Variants in LIMK2 observed in about 807,000 individuals in gnomAD.
The protein encoded by LIMK2 is LIM domain kinase 2.
A neutral mutation model predicts 75.7 loss-of-function variants in LIMK2; 35 were observed. The observed-to-expected ratio is 0.46, with a 90% CI of 0.35 to 0.61. The LOEUF is 0.61. LIMK2 is among the 20% of genes least tolerant of loss of function. The probability of loss-of-function intolerance (pLI) is 0.00; values close to 1 mark genes in which losing one functional copy is unlikely to be tolerated. For missense variants in LIMK2, 623 were observed against 831.0 expected (o/e 0.75, Z 3.08); for synonymous variants, 301 against 319.2 (o/e 0.94, Z 0.61).
Position 31,262,163 on chromosome 22 carries a change from A to G in LIMK2, c.581A>G (p.Asn194Ser), listed in dbSNP as rs1223155092. The change falls in exon 6 of 16, where the codon AAT becomes AGT. Residue 194 changes from asparagine to serine, a missense_variant. This residue lies in a region of LIMK2 where 514 missense variants were observed against 661.3 expected (regional missense o/e 0.78). Transcript: ENST00000331728. The surrounding 1 kb of genome is among the most constrained non-coding windows in gnomAD (Gnocchi z 5.0). ...AACCGGATGCACATCAGTCCCAACA[A>G]TCGAAACGCCATCCACCCTGGGGAC... ...EVNRMHISPNNRNAIHPGDRI... is the reference protein window; with the variant it reads ...EVNRMHISPNSRNAIHPGDRI... 4 of 1,614,068 alleles carry G rather than the reference A, an allele frequency of 2.5e-6. No homozygotes were observed. The highest frequency in any genetic ancestry group is 1.3e-5 in the African/African-American group (1 of 74,928).
chr22:31,243,174 A>T (rs1176363131), intron 2 of LIMK2, among the ~76,000 whole-genome samples: 1 of 152,180 alleles, frequency 6.6e-6, no homozygotes, highest in East Asian at 1.9e-4. Flanking sequence ...TGCCTGCCTC[A>T]GCCTCCCAAA....
intron 2 of LIMK2, chr22:31,248,850 C>G (rs1321273438): frequency 1.9e-5 from 27 of 1,428,038 alleles, no homozygotes; most frequent in African/African-American, 2.8e-5. Context: ...AAATCTCCTT[C>G]TCACTTAGTC....
At chr22:31,219,349 C>T (rs544487519) in intron 1 of LIMK2, among the ~76,000 whole-genome samples, 1 of 151,988 alleles carries the variant, frequency 6.6e-6, no homozygotes, top group African/African-American at 2.4e-5. Flanking sequence ...TATTTTATAC[C>T]AAGATTGAAA....
chr22:31,269,096 AAGG>A (rs1178437125), intron 11 of LIMK2, among the ~76,000 whole-genome samples: 3 of 150,590 alleles, frequency 2.0e-5, no homozygotes, highest in Admixed American at 1.3e-4. Flanking sequence ...TTGAATCAGG[AAGG>A]AGGTTTTTTT....
chr22:31,230,176 T>G (rs778290310), intron 2 of LIMK2: 1 of 151,618 alleles, frequency 6.6e-6, no homozygotes, highest in Non-Finnish European at 1.5e-5. Context: ...ACCAGCCCAG[T>G]AGGCCTTTTT....
chr22:31,273,599 A>G, intron 14 of LIMK2, 92 bp downstream of exon 14: 1 of 981,140 alleles, frequency 1.0e-6, no homozygotes, highest in South Asian at 1.3e-5. Context: ...AGGGATGACT[A>G]GCTTGACTAA....
chr22:31,246,617 A>G (rs1427289209), intron 2 of LIMK2, among the ~76,000 whole-genome samples: 1 of 151,658 alleles, frequency 6.6e-6, no homozygotes, highest in Non-Finnish European at 1.5e-5. Context: ...GCTGGGTGTG[A>G]TGGCACGCAT....
At chr22:31,257,176 G>A (rs1367356552) in intron 2 of LIMK2, among the ~76,000 whole-genome samples, 2 of 149,224 alleles carry the variant, frequency 1.3e-5, no homozygotes, top group Non-Finnish European at 3.0e-5. Context: ...AGAGGCATCA[G>A]CCACCCCGCC....
At chr22:31,250,309 G>A (rs1319985036) in intron 2 of LIMK2, among the ~76,000 whole-genome samples, 1 of 152,148 alleles carries the variant, frequency 6.6e-6, no homozygotes, top group African/African-American at 2.4e-5. Flanking sequence ...TGTTCCTTTA[G>A]GAGCCAGGAA....
rs188081328 is a variant in LIMK2 at position 31,261,528 on chromosome 22, A to G, written c.552-606A>G. 7.8e-4 allele frequency among the ~76,000 whole-genome samples: 114 copies of G among 145,552 alleles called. 2 individuals carry two copies. Among genetic ancestry groups the G allele is most frequent in the Admixed American group, 6.4e-3 (94 of 14,726 alleles). On this transcript the variant is annotated intron_variant, in intron 5 of 15. Coordinates refer to ENST00000331728, the MANE Select transcript of LIMK2 (RefSeq NM_005569.4). ...GCCACTGCACTCCAGCCTGAGCGAC[A>G]GAGCGAGACTCCATCTCAAAAAAAA...
chr22:31,232,758 A>G (rs1300152690), intron 2 of LIMK2, among the ~76,000 whole-genome samples: 1 of 152,004 alleles, frequency 6.6e-6, no homozygotes, highest in Non-Finnish European at 1.5e-5. Context: ...TACCATGCCC[A>G]GCTAATTTTT....
intron 10 of LIMK2, 58 bp from the exon 11 acceptor site, chr22:31,268,086 C>T: frequency 6.4e-7 from 1 of 1,574,416 alleles, no homozygotes; most frequent in Non-Finnish European, 8.7e-7. Flanking sequence ...CCCATGGGGC[C>T]TGGACCACGA....
chr22:31,258,651 G>A, intron 3 of LIMK2: 1 of 519,688 alleles, frequency 1.9e-6, no homozygotes, highest in Admixed American at 3.2e-5. Flanking sequence ...TGGGAGGAGA[G>A]GCAGGCAGAG....
chr22:31,270,933 G>A (rs1443276543), intron 11 of LIMK2, among the ~76,000 whole-genome samples: 1 of 152,210 alleles, frequency 6.6e-6, no homozygotes, highest in African/African-American at 2.4e-5. Context: ...GGAGATGGCA[G>A]CAGGGAAGCA....
At chr22:31,276,594 C>T (rs1371776016) in intron 15 of LIMK2, among the ~76,000 whole-genome samples, 6 of 146,254 alleles carry the variant, frequency 4.1e-5, no homozygotes, top group Non-Finnish European at 7.6e-5. Flanking sequence ...GCCCTCGCCG[C>T]GGAGCCGGCG....
chr22:31,261,629 A>G (rs1034966938), intron 5 of LIMK2, among the ~76,000 whole-genome samples: 2 of 151,952 alleles, frequency 1.3e-5, no homozygotes, highest in Middle Eastern at 3.4e-3. Flanking sequence ...TTAGCTGGGT[A>G]TGGTGGTGCG....
intron 2 of LIMK2, among the ~76,000 whole-genome samples, chr22:31,235,255 C>T (rs894467263): frequency 6.7e-6 from 1 of 150,192 alleles, no homozygotes; most frequent in Non-Finnish European, 1.5e-5. Flanking sequence ...CTTTTCCCTG[C>T]CCTTCCCCTT....
intron 9 of LIMK2, 51 bp from the exon 10 acceptor site, chr22:31,267,716 GAGGTAAGGA>G: frequency 6.5e-7 from 1 of 1,529,552 alleles, no homozygotes; most frequent in Non-Finnish European, 8.8e-7. Context: ...TTGGAGGGAA[GAGGTAAGGA>G]AGACAGTGAG....
intron 11 of LIMK2, among the ~76,000 whole-genome samples, chr22:31,270,854 C>T (rs2048949375): frequency 6.6e-6 from 1 of 152,116 alleles, no homozygotes; most frequent in African/African-American, 2.4e-5. Flanking sequence ...AAGTTGGGGA[C>T]ATTAGGAGAG....
Sources: allele counts gnomAD v4.1 joint callset (sites outside exome capture counted in the v4.1 genomes callset), GRCh38; gene constraint gnomAD v4.1.1; regional missense constraint gnomAD v4.1.1; non-coding constraint Gnocchi (gnomAD v3.1); transcripts MANE v1.5; gene names NCBI Gene and HGNC (gene_info 2026-07-23, HGNC 2026-07-21).